The following TTC27 variants were observed in gnomAD, a reference collection of about 807,000 sequenced individuals.
TTC27 encodes tetratricopeptide repeat domain 27, also known as tetratricopeptide repeat protein 27.
Under a neutral mutation model 115.9 loss-of-function variants are expected in TTC27, and 79 were observed. That is an observed-to-expected ratio of 0.68 (90% CI 0.57 to 0.82). TTC27 has a LOEUF of 0.82. Ranked by LOEUF, TTC27 falls within the 40% of genes least tolerant of loss-of-function variation. TTC27 has a pLI of 0.00. For missense variants in TTC27, 1,054 were observed against 993.1 expected (o/e 1.06, Z -0.82); for synonymous variants, 401 against 356.0 (o/e 1.13, Z -1.42).
At chr2:32,735,289 A>C (rs1367320809) in intron 11 of TTC27, among the ~76,000 whole-genome samples, 1 of 152,212 alleles carries the variant, frequency 6.6e-6, no homozygotes, top group East Asian at 1.9e-4. Context: ...ATGTGTTAAC[A>C]GCTGGAATTT....
At chr2:32,793,553 C>A (rs1361897390) in intron 16 of TTC27, among the ~76,000 whole-genome samples, 1 of 152,142 alleles carries the variant, frequency 6.6e-6, no homozygotes, top group East Asian at 1.9e-4. Context: ...GATGGAGTCT[C>A]GCTCTGTCAC....
At chr2:32,806,752 G>C (rs1009346542) in intron 16 of TTC27, among the ~76,000 whole-genome samples, 1 of 151,902 alleles carries the variant, frequency 6.6e-6, no homozygotes. Flanking sequence ...CTGCACTCCA[G>C]CTTGACCGAC....
chr2:32,635,643 C>G (rs1664392744), intron 3 of TTC27, among the ~76,000 whole-genome samples: 1 of 151,970 alleles, frequency 6.6e-6, no homozygotes, highest in Non-Finnish European at 1.5e-5. Flanking sequence ...AAGATCACGC[C>G]ACTGCACTCC....
chr2:32,780,562 C>T (rs1431023870), intron 14 of TTC27, among the ~76,000 whole-genome samples: 1 of 152,148 alleles, frequency 6.6e-6, no homozygotes, highest in Non-Finnish European at 1.5e-5. Context: ...GCCTCAGCCT[C>T]CCGATTAGCT....
At chr2:32,743,775 C>A (rs945728078) in intron 12 of TTC27, among the ~76,000 whole-genome samples, 8 of 152,140 alleles carry the variant, frequency 5.3e-5, no homozygotes, top group Admixed American at 3.3e-4. Flanking sequence ...TGCTATATGA[C>A]CTCTCTATTC....
rs1174001539 is a variant in TTC27 at position 32,782,743 on chromosome 2, C to G, written c.1832+65C>G. On this transcript the variant is annotated intron_variant, in intron 15 of 19. Coordinates refer to ENST00000317907, the MANE Select transcript of TTC27 (RefSeq NM_017735.5). Reference sequence around the variant, plus strand: ...AATAAATGAATGAGATTTTCTACAACTGAACATTGTTTCAATGTTTCTCCT... The same window carrying G: ...AATAAATGAATGAGATTTTCTACAAGTGAACATTGTTTCAATGTTTCTCCT... 1.1e-5 allele frequency: 14 copies of G among 1,303,392 alleles called. No individual in the cohort carries two copies. The East Asian group carries it at 2.1e-4, about 19-fold the overall frequency. The allele number at this position is 1,303,392 out of a possible 1,614,324, so 80.7% of individuals were successfully genotyped here.
chr2:32,726,704 G>A (rs982080097), intron 10 of TTC27, among the ~76,000 whole-genome samples: 1 of 152,140 alleles, frequency 6.6e-6, no homozygotes, highest in African/African-American at 2.4e-5. Flanking sequence ...CCACATTTTT[G>A]TGTATCTTTC....
intron 18 of TTC27, among the ~76,000 whole-genome samples, chr2:32,815,223 ATTTTTTTTTTT>A (rs533493768): frequency 6.3e-4 from 35 of 55,514 alleles, no homozygotes; most frequent in Admixed American, 2.1e-3. Context: ...GCTGCTTCAG[ATTTTTTTTTTT>A]TTTTTTTTTT....
At chr2:32,632,091 G>A (rs1172861723) in intron 2 of TTC27, among the ~76,000 whole-genome samples, 8 of 151,592 alleles carry the variant, frequency 5.3e-5, no homozygotes, top group South Asian at 2.1e-4. Context: ...GATTACAGAC[G>A]TGAGCCACTT....
At chr2:32,635,666 A>G (rs138115763) in intron 3 of TTC27, among the ~76,000 whole-genome samples, 1 of 152,178 alleles carries the variant, frequency 6.6e-6, no homozygotes, top group African/African-American at 2.4e-5. Flanking sequence ...CCTGGGTGAC[A>G]GAGTGAGACT....
chr2:32,719,441 A>T (rs1318614922), intron 10 of TTC27, among the ~76,000 whole-genome samples: 1 of 152,216 alleles, frequency 6.6e-6, no homozygotes, highest in African/African-American at 2.4e-5. Context: ...CATCAAATAT[A>T]TTAACACAGG....
intron 6 of TTC27, 67 bp downstream of exon 6, chr2:32,664,534 G>C: frequency 1.5e-6 from 2 of 1,372,140 alleles, no homozygotes; most frequent in East Asian, 2.4e-5. Flanking sequence ...TTGGCAGTTT[G>C]TATTGTATGT....
intron 1 of TTC27, among the ~76,000 whole-genome samples, 186 bp downstream of exon 1, chr2:32,628,566 T>C (rs542656042): frequency 9.9e-5 from 15 of 152,270 alleles, no homozygotes; most frequent in Non-Finnish European, 1.9e-4. Flanking sequence ...CAAAACTTCT[T>C]ACCGCCCAGG....
intron 12 of TTC27, among the ~76,000 whole-genome samples, chr2:32,741,236 C>T (rs1668624066): frequency 6.6e-6 from 1 of 152,208 alleles, no homozygotes; most frequent in African/African-American, 2.4e-5. Context: ...TTTCCTCCCA[C>T]ATTTGGTGGT....
intron 11 of TTC27, among the ~76,000 whole-genome samples, chr2:32,735,081 A>G (rs1668407292): frequency 6.6e-6 from 1 of 152,170 alleles, no homozygotes; most frequent in Admixed American, 6.5e-5. Context: ...TTAGAAACAT[A>G]AATGCCAACC....
chr2:32,631,687 A>G (rs1664219761), intron 2 of TTC27, among the ~76,000 whole-genome samples: 1 of 152,234 alleles, frequency 6.6e-6, no homozygotes, highest in Middle Eastern at 3.2e-3. Flanking sequence ...CAACAAATAA[A>G]CTATTGTAGT....
At chr2:32,779,593 GT>G (rs34377239) in intron 14 of TTC27, among the ~76,000 whole-genome samples, 14,090 of 146,702 alleles carry the variant, frequency 0.096, 752 homozygotes, top group Middle Eastern at 0.23. Flanking sequence ...ATTCTGTTAA[GT>G]TTTTTTTTTT....
At chr2:32,761,428 C>T (rs144094745) in intron 13 of TTC27, among the ~76,000 whole-genome samples, 3 of 152,166 alleles carry the variant, frequency 2.0e-5, no homozygotes, top group African/African-American at 7.2e-5. Flanking sequence ...TCTCAAAGGA[C>T]ATCCACATTT....
chr2:32,794,552 A>G (rs184408010), intron 16 of TTC27, among the ~76,000 whole-genome samples: 2 of 152,264 alleles, frequency 1.3e-5, no homozygotes, highest in East Asian at 1.9e-4. Flanking sequence ...AACTAAACCC[A>G]AGGCTAGCAG....
Sources: allele counts gnomAD v4.1 joint callset (sites outside exome capture counted in the v4.1 genomes callset), GRCh38; gene constraint gnomAD v4.1.1; transcripts MANE v1.5; gene names NCBI Gene and HGNC (gene_info 2026-07-23, HGNC 2026-07-21).